PDZD2: variants seen among roughly 807,000 people sequenced by gnomAD.
The protein encoded by PDZD2 is PDZ domain-containing protein 2.
PDZD2 carries 90 observed loss-of-function variants against 220.7 expected under a neutral mutation model. The ratio of observed to expected loss-of-function variants is 0.41; its 90% confidence interval spans 0.34 to 0.49. The LOEUF (loss-of-function observed/expected upper bound fraction) is 0.49, where lower values mean the gene tolerates loss of function less well. Among genes scored for constraint, PDZD2 ranks in the 20% least tolerant of loss-of-function variants. The probability of loss-of-function intolerance (pLI) is 0.28; values close to 1 mark genes in which losing one functional copy is unlikely to be tolerated. For synonymous variants in PDZD2, 1,375 were observed against 1,450.5 expected, an observed-to-expected ratio of 0.95 and a Z score of 1.18; for missense variants, 3,174 against 3,608.5, an observed-to-expected ratio of 0.88 and a Z score of 3.08.
chr5:31,677,309 T>C (rs1208469330), intron 1 of PDZD2, among the ~76,000 whole-genome samples: 1 of 152,066 alleles, frequency 6.6e-6, no homozygotes, highest in Non-Finnish European at 1.5e-5. Context: ...AAAAAATTTT[T>C]ATTTGTTTAA....
chr5:31,686,942 C>T lies in PDZD2; in HGVS notation c.-361+47505C>T, dbSNP rs1051746620. Among the ~76,000 whole-genome samples the T allele has an allele frequency of 5.9e-5, 9 of 152,260 alleles. No individual in the cohort carries two copies. The East Asian group carries it at 7.7e-4, about 13-fold the overall frequency. On this transcript the variant is annotated intron_variant, in intron 1 of 24. Transcript: ENST00000438447. ...CAAGGTTGGCAAGTGCCTAACCACT[C>T]GGAATCTCTGCTCACCTGCCATGCG...
chr5:32,109,245 A>G lies in PDZD2; in HGVS notation c.*1110A>G, dbSNP rs1745127241. ...CTTTCCCAACATGTTTAAGAAATGT[A>G]ACATTCTAAGTATTGGATCTCTTTT... is the stretch of plus-strand genomic sequence containing the variant. On this transcript the variant is annotated 3_prime_UTR_variant, in exon 25 of 25. Transcript: ENST00000438447. 1 of 152,220 alleles carries G rather than the reference A, an allele frequency of 6.6e-6. No individual in the cohort carries two copies. Among genetic ancestry groups the G allele is most frequent in the Non-Finnish European group, 1.5e-5 (1 of 68,044 alleles). 9.4% of individuals were successfully genotyped at this position (152,220 alleles called of 1,614,324 possible).
intron 1 of PDZD2, among the ~76,000 whole-genome samples, chr5:31,798,292 C>G (rs952910604): frequency 2.0e-5 from 3 of 152,188 alleles, no homozygotes; most frequent in African/African-American, 4.8e-5. Context: ...AGAGATGATA[C>G]TAAAACCTGG....
chr5:31,687,676 T>C (rs1746929268), intron 1 of PDZD2, among the ~76,000 whole-genome samples: 1 of 152,186 alleles, frequency 6.6e-6, no homozygotes, highest in Non-Finnish European at 1.5e-5. Context: ...AAGTATTTTG[T>C]CATAGTTCTG....
chr5:31,806,784 G>A (rs545954205), intron 2 of PDZD2, among the ~76,000 whole-genome samples: 1 of 152,184 alleles, frequency 6.6e-6, no homozygotes, highest in South Asian at 2.1e-4. Flanking sequence ...TGTTCCCTAA[G>A]GACAGATTGT....
intron 2 of PDZD2, among the ~76,000 whole-genome samples, chr5:31,851,348 A>C (rs1561509188): frequency 6.6e-6 from 1 of 152,286 alleles, no homozygotes; most frequent in South Asian, 2.1e-4. Context: ...CCAGCACTGC[A>C]TTGCCTATTT....
At chr5:32,064,120 C>T (rs1739962800) in intron 14 of PDZD2, among the ~76,000 whole-genome samples, 1 of 152,218 alleles carries the variant, frequency 6.6e-6, no homozygotes, top group South Asian at 2.1e-4. Context: ...TATACTTGTA[C>T]AGTTGCCTTT....
Position 31,725,492 on chromosome 5 carries a change from A to G in PDZD2, c.-360-73397A>G, listed in dbSNP as rs1262885000. On this transcript the variant is annotated intron_variant, in intron 1 of 24. Transcript: ENST00000438447. ...AAGTAAATAAAACTATGAGTAAATG[A>G]ATGATCCATGTCTAAAAATGATCAT... is the stretch of plus-strand genomic sequence containing the variant. 2.4e-6 allele frequency: 3 copies of G among 1,243,326 alleles called. No individual in the cohort carries two copies. In the East Asian group the frequency reaches 7.5e-5, roughly 31 times the overall value. 77.0% of individuals were successfully genotyped at this position (1,243,326 alleles called of 1,614,324 possible).
At chr5:31,978,633 T>G (rs528558036) in intron 2 of PDZD2, among the ~76,000 whole-genome samples, 76 of 148,262 alleles carry the variant, frequency 5.1e-4, no homozygotes, top group Non-Finnish European at 7.4e-4. Flanking sequence ...GAGAATGGTG[T>G]GAACCCGGGA....
chr5:31,930,078 G>A (rs1310280739), intron 2 of PDZD2, among the ~76,000 whole-genome samples: 1 of 152,072 alleles, frequency 6.6e-6, no homozygotes, highest in Admixed American at 6.6e-5. Flanking sequence ...ACGAGTGAAA[G>A]CATTCTGAGG....
chr5:31,871,497 G>T (rs1738787737), intron 2 of PDZD2, among the ~76,000 whole-genome samples: 1 of 152,202 alleles, frequency 6.6e-6, no homozygotes, highest in South Asian at 2.1e-4. Context: ...TGTCATCCAG[G>T]CTGGAGTGCG....
At chr5:31,746,543 C>A (rs748352454) in intron 1 of PDZD2, among the ~76,000 whole-genome samples, 1 of 152,106 alleles carries the variant, frequency 6.6e-6, no homozygotes, top group Admixed American at 6.5e-5. Context: ...ACAAAGGGCA[C>A]GGTGACCAGT....
rs150745561 is a variant in PDZD2, at chr5:31,722,968, G to A, written c.-360-75921G>A. Among the ~76,000 whole-genome samples the A allele has an allele frequency of 2.0e-3, 310 of 152,290 alleles. 2 individuals are homozygous for A. Among genetic ancestry groups the A allele is most frequent in the Middle Eastern group, 0.014 (4 of 294 alleles). On this transcript the variant is annotated intron_variant, in intron 1 of 24. Coordinates refer to ENST00000438447, the MANE Select transcript of PDZD2 (RefSeq NM_178140.4). ...CTCCCAAAGTGCTGGGATTACAGGC[G>A]TGAGACACCGTGCCTGGCCCACTGC...
intron 2 of PDZD2, among the ~76,000 whole-genome samples, chr5:31,930,500 G>A (rs918954079): frequency 6.6e-6 from 1 of 151,882 alleles, no homozygotes; most frequent in Non-Finnish European, 1.5e-5. Context: ...CGTCCGGCCA[G>A]GTATTTCCCT....
chr5:32,002,653 A>T (rs1752249848), intron 5 of PDZD2, among the ~76,000 whole-genome samples: 1 of 119,698 alleles, frequency 8.4e-6, no homozygotes, highest in South Asian at 2.9e-4. Context: ...CACACCCCAC[A>T]TACTACACAC....
chr5:31,881,045 C>A (rs1362378882), intron 2 of PDZD2, among the ~76,000 whole-genome samples: 1 of 151,456 alleles, frequency 6.6e-6, no homozygotes, highest in Non-Finnish European at 1.5e-5. Context: ...TGTGATACGC[C>A]CGCCTAGGCC....
chr5:31,957,397 C>T, intron 2 of PDZD2, among the ~76,000 whole-genome samples: 1 of 152,180 alleles, frequency 6.6e-6, no homozygotes, highest in East Asian at 1.9e-4. Context: ...AGACCAGTGC[C>T]TGGGGTGTTA....
chr5:31,721,024 G>A (rs747845695), intron 1 of PDZD2, among the ~76,000 whole-genome samples: 1 of 152,158 alleles, frequency 6.6e-6, no homozygotes, highest in Non-Finnish European at 1.5e-5. Flanking sequence ...AAGGCAGGAG[G>A]AGGTTGGAGT....
intron 1 of PDZD2, among the ~76,000 whole-genome samples, chr5:31,707,291 T>C (rs1405077825): frequency 1.3e-5 from 2 of 148,384 alleles, no homozygotes; most frequent in Non-Finnish European, 3.0e-5. Flanking sequence ...ACCCTAGAAC[T>C]TAAAGTTTAA....
Sources: gnomAD v4.1 joint callset for allele counts (sites outside exome capture counted in the v4.1 genomes callset) on GRCh38, gnomAD v4.1.1 for gene constraint, MANE v1.5 for transcripts, NCBI Gene and HGNC (gene_info 2026-07-23, HGNC 2026-07-21) for gene names.